Variants in PDE6G observed in about 807,000 individuals in gnomAD.
PDE6G encodes the protein phosphodiesterase 6G.
In PDE6G, 10 loss-of-function variants were observed where a neutral mutation model predicts 10.9. The observed-to-expected ratio is 0.91, with a 90% CI of 0.56 to 1.55. The LOEUF is 1.55. Ranked by LOEUF, PDE6G falls within the 40% of genes most tolerant of loss-of-function variation. The pLI is 0.00. For missense variants in PDE6G, 102 were observed against 110.1 expected (o/e 0.93, Z 0.33); for synonymous variants, 41 against 42.8 (o/e 0.96, Z 0.16).
chr17:81,661,052 G>A (rs1001418119), upstream of PDE6G, among the ~76,000 whole-genome samples: 2 of 152,286 alleles, frequency 1.3e-5, no homozygotes, highest in South Asian at 4.1e-4. Flanking sequence ...CAAGTAGGTG[G>A]GATTACAGGC....
At chr17:81,656,417 G>A in intron 1 of PDE6G, 76 bp downstream of exon 1, 1 of 711,304 alleles carries the variant, frequency 1.4e-6, no homozygotes, top group Non-Finnish European at 2.6e-6. Context: ...CTGCCCCTTG[G>A]GTGATGAGCA....
At chr17:81,654,037 C>T (rs1251480849) in intron 1 of PDE6G, among the ~76,000 whole-genome samples, 3 of 152,108 alleles carry the variant, frequency 2.0e-5, no homozygotes, top group African/African-American at 2.4e-5. Flanking sequence ...GAGGTTGTCT[C>T]GAACTCCTGA....
At position 81,653,117 on chromosome 17, in the gene PDE6G, C is replaced by A. The variant is rs374908637; in HGVS notation, c.146+43G>T. 6.2e-7 allele frequency: 1 copy of A among 1,611,160 alleles called. No homozygotes were observed. On this transcript the variant is annotated intron_variant, in intron 2 of 3. Coordinates refer to ENST00000331056, the MANE Select transcript of PDE6G (RefSeq NM_002602.4). The surrounding 1 kb of genome is among the most constrained non-coding windows in gnomAD (Gnocchi z 5.2). The stretch of plus-strand genomic sequence containing the variant: ...TCCCCTTCCTGTGCAGCCTCAGGAC[C>A]GCCTCCTCCCTTTCAGAGGCCCCAT...
Position 81,651,261 on chromosome 17 carries a change from C to T in PDE6G, c.188-111G>A, listed in dbSNP as rs997890488. On this transcript the variant is annotated intron_variant, in intron 3 of 3. Transcript: ENST00000331056. The surrounding 1 kb of genome is among the most constrained non-coding windows in gnomAD (Gnocchi z 4.8). ...AGGTGTAGCCCTACAGTGTGCTGAG[C>T]GGGGACGTGCGGACGCTGGAGTGGG... 10 of 784,878 alleles carry T rather than the reference C, an allele frequency of 1.3e-5. No homozygotes were observed. Among genetic ancestry groups the T allele is most frequent in the African/African-American group, 8.5e-5 (5 of 58,822 alleles). 48.6% of individuals were successfully genotyped at this position (784,878 alleles called of 1,614,324 possible). A position where few individuals can be genotyped will look rare whatever the true frequency, so the allele number is the denominator to read the frequency against.
At chr17:81,655,185 C>G (rs993903816) in intron 1 of PDE6G, among the ~76,000 whole-genome samples, 1 of 152,196 alleles carries the variant, frequency 6.6e-6, no homozygotes, top group African/African-American at 2.4e-5. Context: ...CCATGACGGG[C>G]ACCCCGCAGT....
chr17:81,658,081 CTTATT>C (rs1036599297), upstream of PDE6G, among the ~76,000 whole-genome samples: 4 of 151,380 alleles, frequency 2.6e-5, no homozygotes, highest in Non-Finnish European at 5.9e-5. Flanking sequence ...TGGCTCACTT[CTTATT>C]TTATTATTTC....
upstream of PDE6G, among the ~76,000 whole-genome samples, chr17:81,657,972 C>G (rs535665366): frequency 4.6e-5 from 7 of 152,220 alleles, no homozygotes; most frequent in South Asian, 1.5e-3. Flanking sequence ...GAGGCTGAGG[C>G]AGGAGGATCA....
chr17:81,662,225 T>C (rs570929392), intron 1 of PDE6G, among the ~76,000 whole-genome samples: 2 of 152,300 alleles, frequency 1.3e-5, no homozygotes, highest in South Asian at 4.1e-4. Flanking sequence ...GTCACAGGCA[T>C]GTCGTCAACC....
At position 81,656,482 on chromosome 17, in the gene PDE6G, CCACTACTCACCAAGT is replaced by C. The variant is rs2036448219; in HGVS notation, c.-64_-60+10del. The C allele has an allele frequency of 2.6e-6, 2 of 761,082 alleles. No individual in the cohort carries two copies. Among genetic ancestry groups the C allele is most frequent in the Non-Finnish European group, 2.4e-6 (1 of 416,390 alleles). The allele number at this position is 761,082 out of a possible 1,614,324, so 47.1% of individuals were successfully genotyped here. On this transcript the variant is annotated splice_donor_variant and splice_donor_5th_base_variant and 5_prime_UTR_variant and intron_variant, in exon 1 of 4. Transcript: ENST00000331056. LOFTEE classifies it low-confidence loss of function (5UTR_SPLICE). ...CTGCCAGGAAAGACAGCGGGGTTGGCCACTACTCACCAAGTGCAGGGCGGGTCTCAGGGGGCTGTG... is the reference window on the plus strand; with the variant it reads ...CTGCCAGGAAAGACAGCGGGGTTGGCGCAGGGCGGGTCTCAGGGGGCTGTG...
chr17:81,654,511 C>T (rs2036417520), intron 1 of PDE6G, among the ~76,000 whole-genome samples: 1 of 151,438 alleles, frequency 6.6e-6, no homozygotes, highest in African/African-American at 2.4e-5. Flanking sequence ...TCCGGAGTAG[C>T]TCAGATTACA....
intron 1 of PDE6G, among the ~76,000 whole-genome samples, chr17:81,662,267 C>T (rs538460173): frequency 2.0e-5 from 3 of 152,156 alleles, no homozygotes; most frequent in African/African-American, 7.2e-5. Flanking sequence ...ACTTATTGAC[C>T]ACTAAAGAAC....
chr17:81,657,773 T>C (rs939182206), upstream of PDE6G, among the ~76,000 whole-genome samples: 4 of 151,836 alleles, frequency 2.6e-5, no homozygotes, highest in Admixed American at 2.6e-4. Flanking sequence ...CCCAGCTACT[T>C]GGGAGGCTGA....
At chr17:81,656,843 G>A (rs1598722247), upstream of PDE6G, 2 of 556,972 alleles carry the variant, frequency 3.6e-6, no homozygotes, top group Non-Finnish European at 6.5e-6. Flanking sequence ...TCCTGACCCT[G>A]CCTGATCTCT....
chr17:81,661,858 CAAAAAAAA>C (rs33915100), intron 1 of PDE6G, among the ~76,000 whole-genome samples: 2,555 of 65,396 alleles, frequency 0.039, 79 homozygotes, highest in African/African-American at 0.13. Context: ...GACTCTGTCT[CAAAAAAAA>C]AAAAAAAAAA....
intron 1 of PDE6G, among the ~76,000 whole-genome samples, chr17:81,655,867 T>C (rs1195887188): frequency 6.6e-6 from 1 of 151,976 alleles, no homozygotes; most frequent in Non-Finnish European, 1.5e-5. Context: ...GGTGGCCCAT[T>C]TTGGGGACGC....
rs765454894 is a variant in PDE6G, at chr17:81,651,715, C to T, written c.147-30G>A. 5 of 1,612,124 alleles carry T rather than the reference C, an allele frequency of 3.1e-6. No individual in the cohort carries two copies. Among genetic ancestry groups the T allele is most frequent in the Non-Finnish European group, 3.4e-6 (4 of 1,178,866 alleles). On this transcript the variant is annotated intron_variant, in intron 2 of 3. Coordinates refer to ENST00000331056, the MANE Select transcript of PDE6G (RefSeq NM_002602.4). The surrounding 1 kb of genome is among the most constrained non-coding windows in gnomAD (Gnocchi z 4.8). ...AAGGACAGAGCACTCAGGGACATGG[C>T]CGGGCCCAGTCCTGGCTCAGTCAGC...
Position 81,653,017 on chromosome 17 carries a change from G to T in PDE6G, c.146+143C>A. 1 of 987,470 alleles carries T rather than the reference G, an allele frequency of 1.0e-6. No individual in the cohort carries two copies. Among genetic ancestry groups the T allele is most frequent in the Non-Finnish European group, 1.6e-6 (1 of 621,342 alleles). 61.2% of individuals were successfully genotyped at this position (987,470 alleles called of 1,614,324 possible). ...CCTCCATCCCTGCTCAGGCCCTCAG[G>T]CACCGCCCTACCTTCCCCAGCTGTG... On this transcript the variant is annotated intron_variant, in intron 2 of 3. Transcript: ENST00000331056. This position sits in a 1 kb window ranked among gnomAD's most constrained non-coding sequence, Gnocchi z 5.2.
In PDE6G at chr17:81,653,613, C is replaced by G; in HGVS notation, c.-59-249G>C. On this transcript the variant is annotated intron_variant, in intron 1 of 3. Coordinates refer to ENST00000331056, the MANE Select transcript of PDE6G (RefSeq NM_002602.4). The surrounding 1 kb of genome is among the most constrained non-coding windows in gnomAD (Gnocchi z 5.2). ...TGGCCACACACAGCTCCGGACTCCC[C>G]CCTGTCCTGGCCTCCCTCGCCCCGG... 2 of 440,252 alleles carry G rather than the reference C, an allele frequency of 4.5e-6. No homozygotes were observed. Among genetic ancestry groups the G allele is most frequent in the Non-Finnish European group, 8.5e-6 (2 of 235,618 alleles). The allele number at this position is 440,252 out of a possible 1,614,324, so 27.3% of individuals were successfully genotyped here. A position where few individuals can be genotyped will look rare whatever the true frequency, so the allele number is the denominator to read the frequency against.
chr17:81,655,102 G>T (rs1466497137), intron 1 of PDE6G, among the ~76,000 whole-genome samples: 1 of 152,148 alleles, frequency 6.6e-6, no homozygotes, highest in Non-Finnish European at 1.5e-5. Flanking sequence ...TCTGCCTCTT[G>T]TCTGTGCTTT....
Sources: allele counts gnomAD v4.1 joint callset (sites outside exome capture counted in the v4.1 genomes callset), GRCh38; gene constraint gnomAD v4.1.1; non-coding constraint Gnocchi (gnomAD v3.1); transcripts MANE v1.5; gene names NCBI Gene and HGNC (gene_info 2026-07-23, HGNC 2026-07-21).